RNF180: variants seen among roughly 807,000 people sequenced by gnomAD.
The protein encoded by RNF180 is ring finger protein 180.
A neutral mutation model predicts 59.2 loss-of-function variants in RNF180; 38 were observed. That is an observed-to-expected ratio of 0.64 (90% CI 0.50 to 0.84). RNF180 has a LOEUF of 0.84. Ranked by LOEUF, RNF180 falls within the 40% of genes least tolerant of loss-of-function variation. The pLI is 0.00. For synonymous variants in RNF180, 262 were observed against 240.3 expected, an observed-to-expected ratio of 1.09 and a Z score of -0.84; for missense variants, 705 against 700.9, an observed-to-expected ratio of 1.01 and a Z score of -0.07.
chr5:64,339,752 C>CAAAG (rs1745285466), intron 7 of RNF180, among the ~76,000 whole-genome samples: 1 of 151,864 alleles, frequency 6.6e-6, no homozygotes, highest in African/African-American at 2.4e-5. Context: ...ATTTTCCAGC[C>CAAAG]AAAGAAGCTT....
chr5:64,345,231 T>C (rs147426414), intron 7 of RNF180, among the ~76,000 whole-genome samples: 1 of 152,224 alleles, frequency 6.6e-6, no homozygotes, highest in East Asian at 1.9e-4. Context: ...ACTGCCCAAC[T>C]CCAGGAAGCA....
intron 1 of RNF180, among the ~76,000 whole-genome samples, chr5:64,199,024 G>A (rs1751595101): frequency 1.3e-5 from 2 of 152,114 alleles, no homozygotes; most frequent in Admixed American, 6.5e-5. Context: ...CACCATGTTG[G>A]CCAGGCTGGT....
chr5:64,272,476 G>T (rs904070481), intron 5 of RNF180, among the ~76,000 whole-genome samples: 9 of 151,954 alleles, frequency 5.9e-5, no homozygotes, highest in Admixed American at 5.3e-4. Flanking sequence ...AATAGATGAG[G>T]TTAGAGTGGA....
intron 1 of RNF180, among the ~76,000 whole-genome samples, chr5:64,166,754 C>T (rs1749663292): frequency 6.6e-6 from 1 of 152,090 alleles, no homozygotes; most frequent in Non-Finnish European, 1.5e-5. Context: ...AGCTGAGGCA[C>T]CCAAGAGGCA....
chr5:64,214,440 C>A lies in RNF180; in HGVS notation c.1114C>A (p.Leu372Ile). Residue 372 changes from leucine to isoleucine, a missense_variant, in exon 4 of 8, where the codon CTT (leucine) becomes ATT (isoleucine). Transcript: ENST00000389100. ...NFSLGSINQR[L>I]NKRERSKLKN... is the part of the protein sequence containing the mutation. The stretch of plus-strand genomic sequence containing the variant: ...TTCATTGGGCAGCATTAATCAGAGG[C>A]TTAATAAGAGAGAAAGGAGCAAGTT... 6.2e-7 allele frequency: 1 copy of A among 1,613,492 alleles called. No homozygotes were observed. Among genetic ancestry groups the A allele is most frequent in the African/African-American group, 1.3e-5 (1 of 74,980 alleles).
At position 64,181,986 on chromosome 5, in the gene RNF180, C is replaced by CTTT. The variant is rs1190089130; in HGVS notation, c.-1+16054_-1+16056dup. Among the ~76,000 whole-genome samples the CTTT allele has an allele frequency of 1.8e-3, 173 of 94,620 alleles. 2 individuals are homozygous for CTTT. The highest frequency in any genetic ancestry group is 3.9e-3 in the African/African-American group (88 of 22,534). The allele number at this position is 94,620 out of a possible 152,430, so 62.1% of individuals were successfully genotyped here. A position where few individuals can be genotyped will look rare whatever the true frequency, so the allele number is the denominator to read the frequency against. ...GAGGGAAAAGTGCAACTGCTACTGT[C>CTTT]TTTTTTTTTTTTTTTTTTTTTTTGA... On this transcript the variant is annotated intron_variant, in intron 1 of 7. Transcript: ENST00000389100.
chr5:64,349,741 T>C (rs541244758), intron 7 of RNF180, among the ~76,000 whole-genome samples: 4 of 152,286 alleles, frequency 2.6e-5, no homozygotes, highest in East Asian at 3.9e-4. Flanking sequence ...TCCAGCTTCA[T>C]CCATGTCCCT....
chr5:64,340,857 TATC>T (rs1267425068), intron 7 of RNF180, among the ~76,000 whole-genome samples: 1 of 152,166 alleles, frequency 6.6e-6, no homozygotes, highest in East Asian at 1.9e-4. Context: ...TTTGTTCAAC[TATC>T]ACCACTTCAT....
At chr5:64,175,446 A>T (rs1009647353) in intron 1 of RNF180, among the ~76,000 whole-genome samples, 2 of 151,968 alleles carry the variant, frequency 1.3e-5, no homozygotes, top group Admixed American at 6.6e-5. Context: ...GTGTGGATTT[A>T]TTTCTATATT....
At chr5:64,236,635 G>A (rs1742459287) in intron 5 of RNF180, among the ~76,000 whole-genome samples, 1 of 152,126 alleles carries the variant, frequency 6.6e-6, no homozygotes, top group South Asian at 2.1e-4. Flanking sequence ...TATCTCCACG[G>A]CACGTCAGAG....
intron 1 of RNF180, among the ~76,000 whole-genome samples, chr5:64,183,875 T>C (rs977641924): frequency 2.0e-5 from 3 of 152,244 alleles, no homozygotes; most frequent in Non-Finnish European, 4.4e-5. Flanking sequence ...TCAGTCTCTA[T>C]AATAGCTTTA....
intron 1 of RNF180, among the ~76,000 whole-genome samples, chr5:64,183,057 A>C (rs920862613): frequency 6.6e-6 from 1 of 152,216 alleles, no homozygotes; most frequent in Non-Finnish European, 1.5e-5. Flanking sequence ...TGCATCCTCC[A>C]TTTCAGTATG....
At chr5:64,226,629 C>T (rs1741776745) in intron 5 of RNF180, among the ~76,000 whole-genome samples, 2 of 151,944 alleles carry the variant, frequency 1.3e-5, no homozygotes, top group Admixed American at 6.6e-5. Context: ...CCACATCCCC[C>T]TCTCTGAGAA....
In RNF180 at chr5:64,198,977, C is replaced by T. The variant is rs748278711; in HGVS notation, c.1-1831C>T. On this transcript the variant is annotated intron_variant, in intron 1 of 7. Coordinates refer to ENST00000389100, the MANE Select transcript of RNF180 (RefSeq NM_001113561.2). ...ACTACAGGCATGTTGCCACCACACA[C>T]GGCTAAATTTTTGTATTTTTAGTAG... Among the ~76,000 whole-genome samples, 4 of 152,168 alleles carry T rather than the reference C, an allele frequency of 2.6e-5. No homozygotes were observed. In the South Asian group the frequency reaches 6.2e-4, roughly 24 times the overall value.
At chr5:64,221,119 C>A (rs1159550609) in intron 5 of RNF180, among the ~76,000 whole-genome samples, 1 of 151,906 alleles carries the variant, frequency 6.6e-6, no homozygotes, top group Non-Finnish European at 1.5e-5. Context: ...TCTCTTGATT[C>A]ATCATCTTAA....
At chr5:64,218,523 A>G (rs1752751223) in intron 5 of RNF180, among the ~76,000 whole-genome samples, 1 of 152,062 alleles carries the variant, frequency 6.6e-6, no homozygotes, top group South Asian at 2.1e-4. Flanking sequence ...TGACTTTGTT[A>G]TTCTTTTTCA....
chr5:64,256,809 C>T (rs1304486077), intron 5 of RNF180, among the ~76,000 whole-genome samples: 5 of 152,144 alleles, frequency 3.3e-5, no homozygotes, highest in South Asian at 2.1e-4. Flanking sequence ...GCCACTTTCA[C>T]GATATTGATT....
rs1745196512 is a variant in RNF180 at position 64,337,846 on chromosome 5, T to C, written c.1579+7440T>C. ...ACAAAGGACATGAACTCATCTCTTTTATGGCTGCATAGTATTCCATGGTGT... is the reference window on the plus strand; with the variant it reads ...ACAAAGGACATGAACTCATCTCTTTCATGGCTGCATAGTATTCCATGGTGT... On this transcript the variant is annotated intron_variant, in intron 7 of 7. Transcript: ENST00000389100. Among the ~76,000 whole-genome samples the C allele has an allele frequency of 2.6e-5, 4 of 152,204 alleles. No homozygotes were observed. In the South Asian group the frequency reaches 8.3e-4, roughly 31 times the overall value.
intron 5 of RNF180, among the ~76,000 whole-genome samples, chr5:64,238,176 CT>C (rs1742566448): frequency 1.3e-5 from 2 of 152,116 alleles, no homozygotes; most frequent in Admixed American, 6.6e-5. Flanking sequence ...ACATTTCCTT[CT>C]TTTTTTAAGG....
Sources: allele counts gnomAD v4.1 joint callset (sites outside exome capture counted in the v4.1 genomes callset), GRCh38; gene constraint gnomAD v4.1.1; transcripts MANE v1.5; gene names NCBI Gene and HGNC (gene_info 2026-07-23, HGNC 2026-07-21).